PCDHA8: variants seen among roughly 807,000 people sequenced by gnomAD.
PCDHA8 encodes the protein protocadherin alpha-8.
In PCDHA8, 53 loss-of-function variants were observed where a neutral mutation model predicts 61.8. The ratio of observed to expected loss-of-function variants is 0.86; its 90% CI spans 0.69 to 1.08. PCDHA8 has a LOEUF of 1.08. PCDHA8 is among the 50% of genes least tolerant of loss of function. The pLI, the probability that PCDHA8 is intolerant of heterozygous loss-of-function variation, is 0.00. For missense variants in PCDHA8, 1,293 were observed against 1,245.0 expected (o/e 1.04, Z -0.58); for synonymous variants, 618 against 556.6 (o/e 1.11, Z -1.55).
rs199848124 is a variant in PCDHA8 at position 140,875,823 on chromosome 5, C to T, written c.2394+32108C>T. 3,681 of 1,614,172 alleles carry T rather than the reference C, an allele frequency of 2.3e-3. 15 individuals carry two copies. Among genetic ancestry groups the T allele is most frequent in the Middle Eastern group, 9.6e-3 (58 of 6,062 alleles). The stretch of plus-strand genomic sequence containing the variant: ...TCGTGGACAGGCCGCTGCAGGTTTT[C>T]CATGTGGACGTGGAGGTGAAGGACA... On this transcript the variant is annotated intron_variant, in intron 1 of 3. Transcript: ENST00000531613.
chr5:140,870,504 C>G (rs782464928), intron 1 of PCDHA8: 18 of 1,614,232 alleles, frequency 1.1e-5, no homozygotes, highest in Non-Finnish European at 3.4e-6. Context: ...AGGAGAACAA[C>G]CCACCAGGCT....
intron 1 of PCDHA8, among the ~76,000 whole-genome samples, chr5:140,901,384 T>C (rs2068629478): frequency 6.6e-6 from 1 of 152,226 alleles, no homozygotes. Flanking sequence ...TAATTCAATA[T>C]TTGTATATGG....
At chr5:140,975,823 G>A (rs1239122577) in intron 1 of PCDHA8, among the ~76,000 whole-genome samples, 2 of 152,164 alleles carry the variant, frequency 1.3e-5, no homozygotes, top group Non-Finnish European at 2.9e-5. Context: ...AGGAACTGAA[G>A]TGTATTCTTA....
At chr5:140,933,446 C>T (rs543444309) in intron 1 of PCDHA8, among the ~76,000 whole-genome samples, 1 of 151,990 alleles carries the variant, frequency 6.6e-6, no homozygotes, top group Non-Finnish European at 1.5e-5. Flanking sequence ...AATGACATAC[C>T]TTCAAAATAT....
intron 1 of PCDHA8, among the ~76,000 whole-genome samples, chr5:140,970,254 T>C (rs1315934666): frequency 1.3e-5 from 2 of 152,238 alleles, no homozygotes; most frequent in African/African-American, 4.8e-5. Context: ...TGACAGTTTC[T>C]ATGGTTTTGA....
chr5:140,904,502 G>T (rs1554191560), intron 1 of PCDHA8, among the ~76,000 whole-genome samples: 2 of 151,770 alleles, frequency 1.3e-5, no homozygotes, highest in African/African-American at 4.8e-5. Flanking sequence ...TTTTACAATT[G>T]TGAATTGTGC....
At chr5:140,871,055 A>T (rs782721683) in intron 1 of PCDHA8, 9 of 1,613,326 alleles carry the variant, frequency 5.6e-6, no homozygotes, top group African/African-American at 2.7e-5. Context: ...GTACTGGTGA[A>T]GGATCACGGT....
At chr5:140,870,015 T>C (rs367677663) in intron 1 of PCDHA8, 5 of 1,613,476 alleles carry the variant, frequency 3.1e-6, no homozygotes, top group Admixed American at 1.7e-5. Context: ...TGAGGGTCAA[T>C]GGAACTTTAG....
intron 1 of PCDHA8, among the ~76,000 whole-genome samples, chr5:140,952,297 C>G (rs2094716383): frequency 6.7e-6 from 1 of 149,532 alleles, no homozygotes; most frequent in South Asian, 2.1e-4. Context: ...TTCTCACAGC[C>G]ATTTCACTCC....
At chr5:140,961,176 C>A (rs782677581) in intron 1 of PCDHA8, among the ~76,000 whole-genome samples, 16 of 152,182 alleles carry the variant, frequency 1.1e-4, no homozygotes, top group Admixed American at 2.0e-4. Context: ...ACCTTATGTA[C>A]TCCTCACAGG....
chr5:140,988,363 C>T (rs782342714), intron 3 of PCDHA8, among the ~76,000 whole-genome samples: 25 of 152,132 alleles, frequency 1.6e-4, no homozygotes, highest in Admixed American at 4.6e-4. Context: ...CTTTTACTTT[C>T]TGGGGTTGTG....
chr5:141,003,623 G>C (rs572368614), intron 3 of PCDHA8, among the ~76,000 whole-genome samples: 1 of 152,240 alleles, frequency 6.6e-6, no homozygotes, highest in East Asian at 1.9e-4. Flanking sequence ...CCAGAGGGCA[G>C]TTTTTAAAGT....
At chr5:140,924,992 G>T (rs1383717650) in intron 1 of PCDHA8, among the ~76,000 whole-genome samples, 3 of 151,676 alleles carry the variant, frequency 2.0e-5, no homozygotes, top group African/African-American at 7.3e-5. Context: ...TGTAATCCTA[G>T]CACTTTAGGA....
At chr5:140,905,621 T>C (rs1180191773) in intron 1 of PCDHA8, among the ~76,000 whole-genome samples, 1 of 152,224 alleles carries the variant, frequency 6.6e-6, no homozygotes, top group Non-Finnish European at 1.5e-5. Flanking sequence ...TAGATTGCTT[T>C]TGACAGTATG....
chr5:140,859,198 T>C lies in PCDHA8; in HGVS notation c.2394+15483T>C, dbSNP rs1554152210. 2.0e-5 allele frequency: 3 copies of C among 149,984 alleles called. 1 individual carries two copies. The highest frequency in any genetic ancestry group is 7.3e-5 in the African/African-American group (3 of 40,916). The allele number at this position is 149,984 out of a possible 1,614,324, so 9.3% of individuals were successfully genotyped here. A position where few individuals can be genotyped will look rare whatever the true frequency, so the allele number is the denominator to read the frequency against. ...CAGCATTAGGCATTGCTTATGATAT[T>C]CAGGTATTAGCTCTTTCACTTTAAG... On this transcript the variant is annotated intron_variant, in intron 1 of 3. Coordinates refer to ENST00000531613, the MANE Select transcript of PCDHA8 (RefSeq NM_018911.3).
chr5:140,858,489 C>A, intron 1 of PCDHA8: 1 of 1,498,912 alleles, frequency 6.7e-7, no homozygotes, highest in Non-Finnish European at 9.1e-7. Flanking sequence ...AATATTTTCT[C>A]TTACCGCATT....
intron 1 of PCDHA8, among the ~76,000 whole-genome samples, chr5:140,913,431 C>G (rs1554195920): frequency 6.6e-6 from 1 of 152,036 alleles, no homozygotes; most frequent in African/African-American, 2.4e-5. Flanking sequence ...AGTTGTAATG[C>G]CTCCTTTTTC....
intron 1 of PCDHA8, chr5:140,848,617 A>C (rs2150415016): frequency 6.3e-7 from 1 of 1,593,554 alleles, no homozygotes; most frequent in South Asian, 1.1e-5. Flanking sequence ...GAAGCCGAAC[A>C]CGGCACCTTC....
chr5:140,966,520 C>T, intron 1 of PCDHA8: 1 of 437,694 alleles, frequency 2.3e-6, no homozygotes, highest in East Asian at 3.5e-5. Context: ...CAGCAGGAAG[C>T]CGAGCCGGGT....
Sources: gnomAD v4.1 joint callset for allele counts (sites outside exome capture counted in the v4.1 genomes callset) on GRCh38, gnomAD v4.1.1 for gene constraint, MANE v1.5 for transcripts, NCBI Gene and HGNC (gene_info 2026-07-23, HGNC 2026-07-21) for gene names.